RIN2: variants seen among roughly 807,000 people sequenced by gnomAD.
RIN2 encodes the protein RAB5 interacting protein 2.
Under a neutral mutation model 78.0 loss-of-function variants are expected in RIN2, and 36 were observed. The observed-to-expected ratio is 0.46, with a 90% CI of 0.35 to 0.61. RIN2 has a LOEUF of 0.61. Among genes scored for constraint, RIN2 ranks in the 20% least tolerant of loss-of-function variants. RIN2 has a pLI of 0.00. For missense variants in RIN2, 1,087 were observed against 1,159.7 expected, an observed-to-expected ratio of 0.94 and a Z score of 0.91; for synonymous variants, 466 against 466.8, an observed-to-expected ratio of 1.00 and a Z score of 0.02.
chr20:19,943,381 G>A (rs1294079929), intron 4 of RIN2, among the ~76,000 whole-genome samples: 2 of 152,106 alleles, frequency 1.3e-5, no homozygotes, highest in Non-Finnish European at 2.9e-5. Context: ...CTTCTGCTGG[G>A]CCTCAGTTGA....
At chr20:19,785,853 C>G (rs1006257849) in intron 1 of RIN2, among the ~76,000 whole-genome samples, 4 of 152,156 alleles carry the variant, frequency 2.6e-5, no homozygotes, top group African/African-American at 9.7e-5. Context: ...ATAAATGATG[C>G]CGTATTTTAT....
Position 19,836,062 on chromosome 20 carries a change from A to G in RIN2, c.-37+36315A>G, listed in dbSNP as rs753054268. ...GATAAGTCGCCCTGTTCTGCATCCCAGAGGGAGAGTTGAGCTCTGCACCAA... is the reference window on the plus strand; with the variant it reads ...GATAAGTCGCCCTGTTCTGCATCCCGGAGGGAGAGTTGAGCTCTGCACCAA... On this transcript the variant is annotated intron_variant, in intron 2 of 12. Coordinates refer to ENST00000255006, the MANE Select transcript of RIN2 (RefSeq NM_018993.4). Among the ~76,000 whole-genome samples, 106 of 152,160 alleles carry G rather than the reference A, an allele frequency of 7.0e-4. 1 individual carries two copies. Among genetic ancestry groups the G allele is most frequent in the Non-Finnish European group, 2.9e-4 (20 of 68,024 alleles).
intron 7 of RIN2, among the ~76,000 whole-genome samples, chr20:19,968,553 A>G (rs1568676864): frequency 6.6e-6 from 1 of 152,184 alleles, no homozygotes; most frequent in Admixed American, 6.5e-5. Flanking sequence ...CATATACAAC[A>G]TCTAATTTTC....
intron 4 of RIN2, among the ~76,000 whole-genome samples, chr20:19,949,691 C>A (rs1019994372): frequency 1.3e-5 from 2 of 152,088 alleles, no homozygotes; most frequent in Admixed American, 6.6e-5. Flanking sequence ...ATGCAGCTCG[C>A]GGGAGCGGGT....
intron 7 of RIN2, among the ~76,000 whole-genome samples, chr20:19,967,242 A>T (rs763852415): frequency 1.2e-4 from 19 of 152,226 alleles, no homozygotes; most frequent in Non-Finnish European, 2.2e-4. Flanking sequence ...CATGATACCA[A>T]TATATAAGGT....
rs3803982 is a variant in RIN2, at chr20:19,971,016, C to T, written c.628+87C>T. ...TGGGCTCACTGAGGCTACATTGCTCCGTCAATCTCTCCAGCTTCTCCATCA... is the reference window on the plus strand; with the variant it reads ...TGGGCTCACTGAGGCTACATTGCTCTGTCAATCTCTCCAGCTTCTCCATCA... On this transcript the variant is annotated intron_variant, in intron 8 of 12. Coordinates refer to ENST00000255006, the MANE Select transcript of RIN2 (RefSeq NM_018993.4). 0.17 allele frequency: 163,435 copies of T among 946,432 alleles called. 15,778 individuals carry two copies. Among genetic ancestry groups the T allele is most frequent in the African/African-American group, 0.3 (17,973 of 60,744 alleles). 58.6% of individuals were successfully genotyped at this position (946,432 alleles called of 1,614,324 possible).
At chr20:19,910,136 C>G (rs1417088148) in intron 3 of RIN2, among the ~76,000 whole-genome samples, 1 of 152,132 alleles carries the variant, frequency 6.6e-6, no homozygotes, top group African/African-American at 2.4e-5. Flanking sequence ...GGTTTTTAAT[C>G]TTGTGTACAT....
intron 1 of RIN2, among the ~76,000 whole-genome samples, chr20:19,767,047 A>AGAAAAGGCAGGTTAATTGGG (rs2033916513): frequency 6.6e-6 from 1 of 152,242 alleles, no homozygotes; most frequent in African/African-American, 2.4e-5. Context: ...AAATCAACTC[A>AGAAAAGGCAGGTTAATTGGG]GAAAAGGCAG....
chr20:19,892,945 A>C (rs565096107), intron 3 of RIN2, among the ~76,000 whole-genome samples: 47 of 152,308 alleles, frequency 3.1e-4, no homozygotes, highest in African/African-American at 1.1e-3. Context: ...AGCGCCCATG[A>C]GCAGCCAAGC....
chr20:19,943,891 T>G (rs1269126400), intron 4 of RIN2, among the ~76,000 whole-genome samples: 2 of 151,726 alleles, frequency 1.3e-5, no homozygotes, highest in Non-Finnish European at 2.9e-5. Context: ...GGTCCTGCCG[T>G]GTCCAGAATA....
chr20:19,862,784 T>C (rs1211287814), intron 2 of RIN2, among the ~76,000 whole-genome samples: 2 of 152,244 alleles, frequency 1.3e-5, no homozygotes, highest in African/African-American at 4.8e-5. Context: ...GGGCTGGTCT[T>C]AGTCATCTTG....
At chr20:19,976,215 A>G (rs909322126) in intron 9 of RIN2, among the ~76,000 whole-genome samples, 3 of 152,168 alleles carry the variant, frequency 2.0e-5, no homozygotes, top group Admixed American at 6.5e-5. Context: ...GAGGTGTAGC[A>G]TATGTTCAGA....
intron 4 of RIN2, among the ~76,000 whole-genome samples, chr20:19,946,924 A>G (rs2041118457): frequency 6.6e-6 from 1 of 151,160 alleles, no homozygotes; most frequent in Non-Finnish European, 1.5e-5. Flanking sequence ...CCAGCTACTC[A>G]GGAGGCTGAG....
At chr20:19,863,447 A>G (rs549122124) in intron 2 of RIN2, among the ~76,000 whole-genome samples, 67 of 152,278 alleles carry the variant, frequency 4.4e-4, no homozygotes, top group Non-Finnish European at 7.5e-4. Context: ...TGTCCCCACA[A>G]GCAGCCTTCA....
intron 2 of RIN2, among the ~76,000 whole-genome samples, chr20:19,865,274 T>C (rs929155949): frequency 6.6e-6 from 1 of 152,310 alleles, no homozygotes; most frequent in South Asian, 2.1e-4. Flanking sequence ...ACATATTTTC[T>C]ATACAGTATA....
chr20:19,959,209 G>A (rs935014707), intron 5 of RIN2, among the ~76,000 whole-genome samples: 3 of 152,130 alleles, frequency 2.0e-5, no homozygotes, highest in African/African-American at 2.4e-5. Context: ...GATGGATTTC[G>A]TCTGCAGGCC....
At chr20:19,818,443 A>G (rs2035831187) in intron 2 of RIN2, among the ~76,000 whole-genome samples, 1 of 152,236 alleles carries the variant, frequency 6.6e-6, no homozygotes, top group African/African-American at 2.4e-5. Context: ...CTAGTAATTC[A>G]CTTTATAGAA....
chr20:19,975,680 A>G lies in RIN2; in HGVS notation c.1655A>G (p.Asp552Gly), dbSNP rs1377652674. Residue 552 changes from aspartate to glycine, a missense_variant, in exon 9 of 13, where the codon GAC (aspartate) becomes GGC (glycine). Asp to Gly is a moderately conservative substitution (Grantham distance 94). Around this residue, in one of 8 missense-constraint regions of RIN2, gnomAD observed 5 missense variants for 22.8 expected, o/e 0.22. Coordinates refer to ENST00000255006, the MANE Select transcript of RIN2 (RefSeq NM_018993.4). This position sits in a 1 kb window ranked among gnomAD's most constrained non-coding sequence, Gnocchi z 4.9. ...AAGGAGTGCCACGTGTCCAGCACCG[A>G]CATGCTGCAGACCATCCGGCAGTTC... is the stretch of plus-strand genomic sequence containing the variant. Reference protein sequence around the residue: ...ENKECHVSSTDMLQTIRQFMT... With the variant: ...ENKECHVSSTGMLQTIRQFMT... 1 of 1,613,580 alleles carries G rather than the reference A, an allele frequency of 6.2e-7. No homozygotes were observed. The highest frequency in any genetic ancestry group is 2.2e-5 in the East Asian group (1 of 44,870).
chr20:19,924,314 AC>A (rs2040086086), intron 3 of RIN2, among the ~76,000 whole-genome samples: 1 of 34,650 alleles, frequency 2.9e-5, no homozygotes, highest in Non-Finnish European at 4.6e-5. Flanking sequence ...CCACCTTCAT[AC>A]CCCCACCTTC....
Sources: gnomAD v4.1 joint callset for allele counts (sites outside exome capture counted in the v4.1 genomes callset) on GRCh38, gnomAD v4.1.1 for gene constraint, gnomAD v4.1.1 regional missense constraint, Gnocchi (gnomAD v3.1) non-coding constraint, MANE v1.5 for transcripts, NCBI Gene and HGNC (gene_info 2026-07-23, HGNC 2026-07-21) for gene names.